MRPL48: variants seen among roughly 807,000 people sequenced by gnomAD.
MRPL48 encodes the protein mitochondrial ribosomal protein L48.
Under a neutral mutation model 32.9 loss-of-function variants are expected in MRPL48, and 16 were observed. The ratio of observed to expected loss-of-function variants is 0.49; its 90% CI spans 0.33 to 0.74. The LOEUF (loss-of-function observed/expected upper bound fraction) is 0.74. Among genes scored for constraint, MRPL48 ranks in the 30% least tolerant of loss-of-function variants. The probability of loss-of-function intolerance (pLI) is 0.02; values close to 1 mark genes in which losing one functional copy is unlikely to be tolerated. For missense variants in MRPL48, 206 were observed against 245.3 expected (o/e 0.84, Z 1.07); for synonymous variants, 94 against 89.2 (o/e 1.05, Z -0.31).
chr11:73,828,227 C>A (rs199677301), intron 4 of MRPL48, among the ~76,000 whole-genome samples: 8 of 131,958 alleles, frequency 6.1e-5, no homozygotes, highest in Non-Finnish European at 1.2e-4. Context: ...CAAAATAATT[C>A]TTTTTTTTTT....
intron 3 of MRPL48, among the ~76,000 whole-genome samples, chr11:73,820,087 C>G: frequency 6.6e-6 from 1 of 152,148 alleles, no homozygotes; most frequent in Non-Finnish European, 1.5e-5. Context: ...TCTAATCTCC[C>G]TATTTCCTTC....
chr11:73,816,287 T>G (rs1023080220), intron 3 of MRPL48, among the ~76,000 whole-genome samples: 7 of 148,000 alleles, frequency 4.7e-5, no homozygotes, highest in Non-Finnish European at 1.0e-4. Context: ...GGTCTCGATC[T>G]CCTGACCTCG....
intron 2 of MRPL48, among the ~76,000 whole-genome samples, chr11:73,807,182 T>A (rs1403777237): frequency 6.6e-6 from 1 of 152,154 alleles, no homozygotes; most frequent in African/African-American, 2.4e-5. Context: ...CCCATTGTTT[T>A]TCTCTAAGTG....
chr11:73,861,961 G>A (rs1948591965), intron 6 of MRPL48, among the ~76,000 whole-genome samples: 1 of 152,146 alleles, frequency 6.6e-6, no homozygotes, highest in African/African-American at 2.4e-5. Context: ...GTCAGGTCCT[G>A]GTATGCCTGG....
chr11:73,815,108 A>G (rs529228238), intron 3 of MRPL48, among the ~76,000 whole-genome samples: 2 of 152,198 alleles, frequency 1.3e-5, no homozygotes, highest in Non-Finnish European at 2.9e-5. Flanking sequence ...AGTTGTTTCA[A>G]CATTTATTAA....
chr11:73,852,393 CAAAAAAAAA>C (rs10554131), intron 5 of MRPL48, among the ~76,000 whole-genome samples: 3 of 83,346 alleles, frequency 3.6e-5, no homozygotes, highest in Admixed American at 1.3e-4. Context: ...AACTCTATAG[CAAAAAAAAA>C]AAAAAAAAAA....
At chr11:73,801,799 G>C (rs1213572497) in intron 1 of MRPL48, among the ~76,000 whole-genome samples, 1 of 152,130 alleles carries the variant, frequency 6.6e-6, no homozygotes, top group Non-Finnish European at 1.5e-5. Context: ...ATCTTGTAAA[G>C]GTATTATGAT....
chr11:73,823,061 C>A (rs1947810986), intron 3 of MRPL48: 1 of 447,902 alleles, frequency 2.2e-6, no homozygotes, highest in African/African-American at 2.0e-5. Flanking sequence ...TCCACTGATT[C>A]TACATTATGG....
chr11:73,845,557 G>T (rs917389671), intron 5 of MRPL48, among the ~76,000 whole-genome samples: 6 of 152,166 alleles, frequency 3.9e-5, no homozygotes, highest in South Asian at 2.1e-4. Context: ...AGGATCACTT[G>T]ATCCCAGGAG....
At chr11:73,848,313 A>T (rs1022584111) in intron 5 of MRPL48, among the ~76,000 whole-genome samples, 4 of 152,014 alleles carry the variant, frequency 2.6e-5, no homozygotes, top group African/African-American at 9.7e-5. Context: ...TCTCTGCTCT[A>T]TTCTGTTACA....
chr11:73,858,708 A>G (rs1253750286), intron 5 of MRPL48, among the ~76,000 whole-genome samples: 1 of 152,232 alleles, frequency 6.6e-6, no homozygotes, highest in Admixed American at 6.5e-5. Context: ...ACTTTTTGAT[A>G]AGATGAACAC....
chr11:73,828,567 A>T (rs527485076), intron 4 of MRPL48, among the ~76,000 whole-genome samples: 1 of 152,186 alleles, frequency 6.6e-6, no homozygotes, highest in Non-Finnish European at 1.5e-5. Flanking sequence ...GACATGGTTC[A>T]TTCTCAGAGG....
At chr11:73,853,668 TAG>T (rs1427298861) in intron 5 of MRPL48, among the ~76,000 whole-genome samples, 3 of 146,918 alleles carry the variant, frequency 2.0e-5, no homozygotes, top group African/African-American at 7.6e-5. Flanking sequence ...TGGCGGGAAT[TAG>T]AGATAGCTTC....
chr11:73,804,128 C>T (rs776082590), intron 1 of MRPL48, among the ~76,000 whole-genome samples: 2 of 152,056 alleles, frequency 1.3e-5, no homozygotes, highest in South Asian at 2.1e-4. Context: ...CAATCTTGGC[C>T]GGGCTGGTCT....
chr11:73,845,046 G>T, intron 5 of MRPL48, 70 bp downstream of exon 5: 2 of 1,442,808 alleles, frequency 1.4e-6, no homozygotes, highest in Non-Finnish European at 1.9e-6. Context: ...GTTAAACTAG[G>T]CTTTTGAGAT....
intron 4 of MRPL48, among the ~76,000 whole-genome samples, chr11:73,830,169 C>G (rs1445037070): frequency 6.6e-6 from 1 of 152,168 alleles, no homozygotes; most frequent in African/African-American, 2.4e-5. Flanking sequence ...GGCCTAGCAT[C>G]AAGGAGAGGA....
At chr11:73,850,678 A>ATT (rs34562115) in intron 5 of MRPL48, 2,250 of 184,968 alleles carry the variant, frequency 0.012, 1 homozygote, top group South Asian at 0.043. Context: ...GGGCTATACA[A>ATT]TTTTTTTTTT....
At chr11:73,810,613 GT>G (rs899643113) in intron 3 of MRPL48, among the ~76,000 whole-genome samples, 1 of 149,638 alleles carries the variant, frequency 6.7e-6, no homozygotes, top group Non-Finnish European at 1.5e-5. Flanking sequence ...AGAACGTGCA[GT>G]TTTGTTACAT....
At chr11:73,823,881 A>G (rs571777098) in intron 3 of MRPL48, among the ~76,000 whole-genome samples, 1 of 149,698 alleles carries the variant, frequency 6.7e-6, no homozygotes, top group Non-Finnish European at 1.5e-5. Flanking sequence ...TTTGAGACGG[A>G]GTCTGGGTCT....
Sources: allele counts gnomAD v4.1 joint callset (sites outside exome capture counted in the v4.1 genomes callset), GRCh38; gene constraint gnomAD v4.1.1; transcripts MANE v1.5; gene names NCBI Gene and HGNC (gene_info 2026-07-23, HGNC 2026-07-21).